The following ARL15 variants were observed in gnomAD, a reference collection of about 807,000 sequenced individuals.
ARL15 encodes ARF like GTPase 15.
A neutral mutation model predicts 25.2 loss-of-function variants in ARL15; 19 were observed. The observed-to-expected ratio is 0.75, with a 90% confidence interval of 0.53 to 1.10. The LOEUF is 1.10. Among genes scored for constraint, ARL15 ranks in the 50% least tolerant of loss-of-function variants. The pLI is 0.00. For synonymous variants in ARL15, 94 were observed against 86.8 expected, an observed-to-expected ratio of 1.08 and a Z score of -0.46; for missense variants, 220 against 246.0, an observed-to-expected ratio of 0.89 and a Z score of 0.71.
intron 4 of ARL15, among the ~76,000 whole-genome samples, chr5:53,986,098 A>G (rs1369194205): frequency 6.6e-6 from 1 of 152,066 alleles, no homozygotes; most frequent in East Asian, 1.9e-4. Flanking sequence ...CTCTCCTCTC[A>G]TTTACAATTC....
At chr5:54,049,769 G>A (rs551131653) in intron 4 of ARL15, among the ~76,000 whole-genome samples, 7 of 151,592 alleles carry the variant, frequency 4.6e-5, no homozygotes, top group South Asian at 2.1e-4. Flanking sequence ...ATGGGGTTTC[G>A]CCATGTTGCC....
chr5:54,127,093 A>C (rs1753282024), intron 3 of ARL15, among the ~76,000 whole-genome samples: 1 of 152,096 alleles, frequency 6.6e-6, no homozygotes, highest in African/African-American at 2.4e-5. Flanking sequence ...GAGTGAGAAT[A>C]TGCGGGTTTT....
At chr5:54,214,965 C>G (rs181537564) in intron 1 of ARL15, among the ~76,000 whole-genome samples, 2 of 152,146 alleles carry the variant, frequency 1.3e-5, no homozygotes, top group Admixed American at 1.3e-4. Context: ...TCACGTTACT[C>G]CAGAGTAACA....
chr5:54,013,093 C>G (rs1486442853), intron 4 of ARL15, among the ~76,000 whole-genome samples: 1 of 152,096 alleles, frequency 6.6e-6, no homozygotes, highest in Non-Finnish European at 1.5e-5. Context: ...AGCCACCACG[C>G]CCGGACTTCT....
intron 4 of ARL15, among the ~76,000 whole-genome samples, chr5:54,089,272 C>G (rs1416779360): frequency 1.3e-5 from 2 of 152,110 alleles, no homozygotes; most frequent in Admixed American, 6.5e-5. Context: ...CATGTTTTGT[C>G]TCTCCAATTA....
In ARL15 at chr5:53,936,285, C is replaced by T. The variant is rs542505608; in HGVS notation, c.463-49572G>A. On this transcript the variant is annotated intron_variant, in intron 4 of 4. Transcript: ENST00000504924. ...TTTATGTTTTTTGTGCATTTATCCT[C>T]ACCAACTTTATGATGTAGCTGTGAT... Among the ~76,000 whole-genome samples the T allele has an allele frequency of 5.3e-5, 8 of 152,338 alleles. 1 individual carries two copies. In the South Asian group the frequency reaches 1.7e-3, roughly 32 times the overall value.
At chr5:54,000,779 C>T (rs949280220) in intron 4 of ARL15, among the ~76,000 whole-genome samples, 7 of 152,060 alleles carry the variant, frequency 4.6e-5, no homozygotes, top group African/African-American at 1.7e-4. Context: ...TTGATCTGTA[C>T]AAACTTGTTC....
chr5:54,107,992 C>T (rs977119991), intron 4 of ARL15, among the ~76,000 whole-genome samples: 1 of 151,892 alleles, frequency 6.6e-6, no homozygotes, highest in African/African-American at 2.4e-5. Flanking sequence ...TCAAGAAAAT[C>T]AGGTATACAA....
rs189005305 is a variant in ARL15, at chr5:54,260,015, C to T, written c.48+50417G>A. On this transcript the variant is annotated intron_variant, in intron 1 of 4. Coordinates refer to ENST00000504924, the MANE Select transcript of ARL15 (RefSeq NM_019087.3). ...TCATTCGTCAACCTGAAATAATTTCCCCCAAATAAACCCTGAATGTGTTAG... is the reference window on the plus strand; with the variant it reads ...TCATTCGTCAACCTGAAATAATTTCTCCCAAATAAACCCTGAATGTGTTAG... 5.4e-3 allele frequency among the ~76,000 whole-genome samples: 817 copies of T among 152,214 alleles called. 2 individuals are homozygous for T. The highest frequency in any genetic ancestry group is 7.8e-3 in the Non-Finnish European group (531 of 68,016).
intron 4 of ARL15, among the ~76,000 whole-genome samples, chr5:53,925,107 C>A (rs1745975881): frequency 6.6e-6 from 1 of 151,950 alleles, no homozygotes; most frequent in Non-Finnish European, 1.5e-5. Flanking sequence ...ATTGCAGACA[C>A]TTCAACTTTT....
At chr5:54,217,579 T>C (rs1163257211) in intron 1 of ARL15, among the ~76,000 whole-genome samples, 3 of 152,178 alleles carry the variant, frequency 2.0e-5, no homozygotes, top group African/African-American at 7.2e-5. Flanking sequence ...TAGTTGTATA[T>C]GCCAAGATAT....
chr5:53,925,227 C>T (rs1179680949), intron 4 of ARL15, among the ~76,000 whole-genome samples: 3 of 149,990 alleles, frequency 2.0e-5, no homozygotes, highest in African/African-American at 7.4e-5. Flanking sequence ...GAAGGTGTCT[C>T]ACTCTGTCAC....
intron 4 of ARL15, among the ~76,000 whole-genome samples, chr5:53,916,804 T>A (rs568644706): frequency 3.3e-5 from 5 of 152,268 alleles, no homozygotes; most frequent in African/African-American, 9.6e-5. Context: ...TCTGAGCAAA[T>A]TAAGACCTGA....
At chr5:53,964,406 C>T (rs1747477515) in intron 4 of ARL15, among the ~76,000 whole-genome samples, 2 of 152,236 alleles carry the variant, frequency 1.3e-5, no homozygotes, top group South Asian at 2.1e-4. Flanking sequence ...GTCCCCCATG[C>T]TGGAGTGCAG....
intron 3 of ARL15, among the ~76,000 whole-genome samples, chr5:54,137,701 TCA>T (rs1303101084): frequency 6.6e-6 from 1 of 152,212 alleles, no homozygotes; most frequent in African/African-American, 2.4e-5. Flanking sequence ...TGTTCCTTGT[TCA>T]CAGAGATATT....
At chr5:54,186,280 C>T (rs1755237778) in intron 1 of ARL15, among the ~76,000 whole-genome samples, 1 of 152,170 alleles carries the variant, frequency 6.6e-6, no homozygotes, top group African/African-American at 2.4e-5. Context: ...AATGCTATCT[C>T]GCCTCACACA....
rs539061478 is a variant in ARL15 at position 54,277,700 on chromosome 5, C to T, written c.48+32732G>A. Among the ~76,000 whole-genome samples, 5 of 151,892 alleles carry T rather than the reference C, an allele frequency of 3.3e-5. No individual in the cohort carries two copies. In the South Asian group the frequency reaches 8.3e-4, roughly 25 times the overall value. On this transcript the variant is annotated intron_variant, in intron 1 of 4. Coordinates refer to ENST00000504924, the MANE Select transcript of ARL15 (RefSeq NM_019087.3). ...CCGGGAGGCAGAGCTTGCAGTGAGC[C>T]GAGATCGTGCCACTGCACTCCAGGC...
intron 1 of ARL15, among the ~76,000 whole-genome samples, chr5:54,301,287 G>A (rs560689663): frequency 1.3e-5 from 2 of 152,176 alleles, no homozygotes; most frequent in East Asian, 3.9e-4. Context: ...AATTTAGAAA[G>A]ATAGAGCATT....
rs188751777 is a variant in ARL15 at position 53,887,446 on chromosome 5, C to A, written c.463-733G>T. On this transcript the variant is annotated intron_variant, in intron 4 of 4. Coordinates refer to ENST00000504924, the MANE Select transcript of ARL15 (RefSeq NM_019087.3). ...GCTGAAAAACCTGTTCAATTAATAA[C>A]CAGTCACAAGTCACTCTTACTATAT... is the stretch of plus-strand genomic sequence containing the variant. 1.3e-4 allele frequency: 90 copies of A among 694,032 alleles called. No homozygotes were observed. In the African/African-American group the frequency reaches 1.4e-3, roughly 11 times the overall value. The allele number at this position is 694,032 out of a possible 1,614,324, so 43.0% of individuals were successfully genotyped here. A position where few individuals can be genotyped will look rare whatever the true frequency, so the allele number is the denominator to read the frequency against.
Sources: allele counts gnomAD v4.1 joint callset (sites outside exome capture counted in the v4.1 genomes callset), GRCh38; gene constraint gnomAD v4.1.1; transcripts MANE v1.5; gene names NCBI Gene and HGNC (gene_info 2026-07-23, HGNC 2026-07-21).